PTPN22: variants seen among roughly 807,000 people sequenced by gnomAD.
PTPN22 encodes the protein tyrosine-protein phosphatase non-receptor type 22.
A neutral mutation model predicts 103.3 loss-of-function variants in PTPN22; 85 were observed. The ratio of observed to expected loss-of-function variants is 0.82; its 90% CI spans 0.69 to 0.99. PTPN22 has a LOEUF of 0.99. Ranked by LOEUF, PTPN22 falls within the 50% of genes least tolerant of loss-of-function variation. The pLI is 0.00. For synonymous variants in PTPN22, 323 were observed against 310.2 expected, an observed-to-expected ratio of 1.04 and a Z score of -0.43; for missense variants, 865 against 936.9, an observed-to-expected ratio of 0.92 and a Z score of 1.00.
In PTPN22 at chr1:113,856,391, C is replaced by T. The variant is rs147782665; in HGVS notation, c.531G>A (p.Lys177=). ...CTTATTTTATACTTACACTATTGAA[C>T]TTAACTTTTAGAGTCCTGATTATAT... is the stretch of plus-strand genomic sequence containing the variant. Residue 177 remains lysine (K), a synonymous_variant, in exon 7 of 21, where the codon AAG becomes AAA. Coordinates refer to ENST00000359785, the Ensembl canonical transcript of PTPN22. 118 of 1,571,036 alleles carry T rather than the reference C, an allele frequency of 7.5e-5. 1 individual carries two copies. The East Asian group carries it at 2.7e-3, about 36-fold the overall frequency.
At chr1:113,853,859 CTTTTTT>C (rs894010114) in intron 9 of PTPN22, among the ~76,000 whole-genome samples, 2 of 67,170 alleles carry the variant, frequency 3.0e-5, no homozygotes, top group African/African-American at 1.3e-4. Flanking sequence ...TTTTTTTTTG[CTTTTTT>C]TTTTTTTTTT....
At chr1:113,863,607 G>A (rs1489524189) in intron 1 of PTPN22, among the ~76,000 whole-genome samples, 3 of 152,194 alleles carry the variant, frequency 2.0e-5, no homozygotes, top group Admixed American at 1.3e-4. Context: ...TCACAGGAAT[G>A]AGTAGTGTCA....
Position 113,856,495 on chromosome 1 carries a change from T to C in PTPN22, c.480+53A>G, listed in dbSNP as rs868412084. 3.5e-5 allele frequency: 56 copies of C among 1,613,948 alleles called. No individual in the cohort carries two copies. In the Middle Eastern group the frequency reaches 6.6e-4, roughly 19 times the overall value. On this transcript the variant is annotated intron_variant, in intron 6 of 20. Coordinates refer to ENST00000359785, the Ensembl canonical transcript of PTPN22. ...AGTGATTGCAAAGACAAGCTCTCTA[T>C]AAGGTAGACCCTGGAGGCTTTACTC...
chr1:113,846,823 C>T (rs1419248182), intron 11 of PTPN22, among the ~76,000 whole-genome samples: 1 of 152,136 alleles, frequency 6.6e-6, no homozygotes, highest in African/African-American at 2.4e-5. Flanking sequence ...AATCTGCTGT[C>T]ATTCTAATTG....
At chr1:113,833,211 G>T in intron 15 of PTPN22, 73 bp from the exon 16 acceptor site, 8 of 1,247,220 alleles carry the variant, frequency 6.4e-6, no homozygotes, top group African/African-American at 1.5e-5. Flanking sequence ...AGCAAAAAAT[G>T]GCATTTTTGA....
intron 1 of PTPN22, among the ~76,000 whole-genome samples, chr1:113,869,862 G>C (rs1335880837): frequency 6.6e-6 from 1 of 152,084 alleles, no homozygotes; most frequent in African/African-American, 2.4e-5. Context: ...CTCCTTTCAG[G>C]TAACTCTACC....
rs1662424189 is a variant in PTPN22, at chr1:113,830,045, A to G, written c.2054-16T>C. The stretch of plus-strand genomic sequence containing the variant: ...TGATGTAGTTCTGTGATAAGAAAGT[A>G]TACAATAAACCAGAGAAATCCATCA... On this transcript the variant is annotated splice_polypyrimidine_tract_variant and intron_variant, in intron 16 of 20. Transcript: ENST00000359785. 6.5e-7 allele frequency: 1 copy of G among 1,548,874 alleles called. No homozygotes were observed. Among genetic ancestry groups the G allele is most frequent in the Non-Finnish European group, 8.9e-7 (1 of 1,127,946 alleles).
At chr1:113,844,200 G>A (rs749153993) in intron 11 of PTPN22, among the ~76,000 whole-genome samples, 8 of 152,018 alleles carry the variant, frequency 5.3e-5, no homozygotes, top group African/African-American at 1.9e-4. Flanking sequence ...CTTGGCTCAC[G>A]CCTGTAATCC....
chr1:113,870,817 G>A (rs936129503), intron 1 of PTPN22, among the ~76,000 whole-genome samples: 7 of 152,076 alleles, frequency 4.6e-5, no homozygotes, highest in African/African-American at 9.7e-5. Flanking sequence ...CCAGGAGTTC[G>A]AGACAAGCCT....
intron 10 of PTPN22, 71 bp downstream of exon 10, chr1:113,851,956 G>T: frequency 8.6e-7 from 1 of 1,168,368 alleles, no homozygotes; most frequent in Non-Finnish European, 1.2e-6. Context: ...AGCTGTTTTT[G>T]GATGCCTCAC....
At chr1:113,833,718 C>A (rs1662744875) in intron 15 of PTPN22, among the ~76,000 whole-genome samples, 1 of 152,136 alleles carries the variant, frequency 6.6e-6, no homozygotes, top group Non-Finnish European at 1.5e-5. Context: ...AAGCAGGACA[C>A]ACCTACTTTC....
intron 11 of PTPN22, among the ~76,000 whole-genome samples, chr1:113,844,444 ACT>A (rs1474729521): frequency 6.6e-6 from 1 of 152,142 alleles, no homozygotes; most frequent in African/African-American, 2.4e-5. Context: ...ATAGAGTGAA[ACT>A]CTGTCTCAAA....
chr1:113,866,588 A>G (rs953850772), intron 1 of PTPN22, among the ~76,000 whole-genome samples: 8 of 152,196 alleles, frequency 5.3e-5, no homozygotes, highest in Non-Finnish European at 1.2e-4. Flanking sequence ...TGCATCATCA[A>G]CTATTAAAAA....
At chr1:113,855,384 A>G (rs1047519000) in intron 7 of PTPN22, among the ~76,000 whole-genome samples, 2 of 151,648 alleles carry the variant, frequency 1.3e-5, no homozygotes, top group Non-Finnish European at 2.9e-5. Flanking sequence ...AGTCCCAGCT[A>G]CTGGGGAGGC....
At chr1:113,831,566 C>CA (rs956257490) in intron 16 of PTPN22, among the ~76,000 whole-genome samples, 284 of 147,906 alleles carry the variant, frequency 1.9e-3, no homozygotes, top group African/African-American at 6.0e-3. Flanking sequence ...ATATCTATTG[C>CA]AAAAAAAAAA....
At chr1:113,816,609 C>T (rs757940751) in intron 20 of PTPN22, among the ~76,000 whole-genome samples, 2 of 151,784 alleles carry the variant, frequency 1.3e-5, no homozygotes, top group Non-Finnish European at 1.5e-5. Flanking sequence ...TCAAATGTTG[C>T]TTAAATTTCA....
chr1:113,845,648 T>A (rs1376817021), intron 11 of PTPN22, among the ~76,000 whole-genome samples: 1 of 152,246 alleles, frequency 6.6e-6, no homozygotes, highest in Non-Finnish European at 1.5e-5. Context: ...AACTAGATTT[T>A]GTCAGTTAGT....
At position 113,863,918 on chromosome 1, in the gene PTPN22, TA is replaced by T. The variant is rs1558057514; in HGVS notation, c.88-4459del. Among the ~76,000 whole-genome samples, 405 of 100,068 alleles carry T rather than the reference TA, an allele frequency of 4.0e-3. 1 individual carries two copies. Among genetic ancestry groups the T allele is most frequent in the African/African-American group, 0.018 (321 of 17,576 alleles). 65.6% of individuals were successfully genotyped at this position (100,068 alleles called of 152,430 possible). The stretch of plus-strand genomic sequence containing the variant: ...TTTATATTTAATAAATATATATATA[TA>T]TATATATATTTTTTTTTGACATGGG... On this transcript the variant is annotated intron_variant, in intron 1 of 20. Coordinates refer to ENST00000359785, the Ensembl canonical transcript of PTPN22.
intron 15 of PTPN22, 101 bp downstream of exon 15, chr1:113,834,208 T>C: frequency 8.3e-7 from 1 of 1,197,842 alleles, no homozygotes; most frequent in Non-Finnish European, 1.2e-6. Flanking sequence ...CTATATTTAG[T>C]ATGTGCTTAG....
Sources: allele counts gnomAD v4.1 joint callset (sites outside exome capture counted in the v4.1 genomes callset), GRCh38; gene constraint gnomAD v4.1.1; transcripts MANE v1.5; gene names NCBI Gene and HGNC (gene_info 2026-07-23, HGNC 2026-07-21).